The following CYTH4 variants were observed in gnomAD, a reference collection of about 807,000 sequenced individuals.
The protein encoded by CYTH4 is cytohesin 4.
Under a neutral mutation model 57.5 loss-of-function variants are expected in CYTH4, and 22 were observed. The ratio of observed to expected loss-of-function variants is 0.38; its 90% CI spans 0.27 to 0.55. The LOEUF is 0.55. CYTH4 is among the 20% of genes least tolerant of loss of function. The pLI, the probability that CYTH4 is intolerant of heterozygous loss-of-function variation, is 0.74. For synonymous variants in CYTH4, 186 were observed against 206.5 expected, an observed-to-expected ratio of 0.90 and a Z score of 0.85; for missense variants, 420 against 535.6, an observed-to-expected ratio of 0.78 and a Z score of 2.13.
chr22:37,308,240 C>T (rs1359373535), intron 8 of CYTH4, among the ~76,000 whole-genome samples: 2 of 152,216 alleles, frequency 1.3e-5, no homozygotes, highest in African/African-American at 4.8e-5. Context: ...CAGGAGAGGA[C>T]CCTCCTCCCA....
At chr22:37,283,228 T>C (rs1928429362) in intron 1 of CYTH4, among the ~76,000 whole-genome samples, 1 of 151,770 alleles carries the variant, frequency 6.6e-6, no homozygotes, top group African/African-American at 2.4e-5. Context: ...GAGGCTCTGG[T>C]TGAAACCCTC....
rs1372725272 is a variant in CYTH4, at chr22:37,295,616, G to A, written c.168-383G>A. ...ATAGATGAGGAACCTGAGGCCCAGA[G>A]AGAGGAAGTGACTCGCCCAAAGCAG... On this transcript the variant is annotated intron_variant, in intron 3 of 12. Coordinates refer to ENST00000248901, the MANE Select transcript of CYTH4 (RefSeq NM_013385.5). The surrounding 1 kb of genome is among the most constrained non-coding windows in gnomAD (Gnocchi z 4.1). Among the ~76,000 whole-genome samples the A allele has an allele frequency of 1.3e-5, 2 of 152,218 alleles. No individual in the cohort carries two copies. Among genetic ancestry groups the A allele is most frequent in the African/African-American group, 2.4e-5 (1 of 41,454 alleles).
chr22:37,284,950 G>T (rs56278831), intron 1 of CYTH4, among the ~76,000 whole-genome samples: 2 of 152,188 alleles, frequency 1.3e-5, no homozygotes, highest in East Asian at 1.9e-4. Flanking sequence ...GGGGCGGTGG[G>T]GGGGCGGCGG....
In CYTH4 at chr22:37,292,719, T is replaced by G. The variant is rs1364126726; in HGVS notation, c.102+16T>G. 6.2e-7 allele frequency: 1 copy of G among 1,612,248 alleles called. No homozygotes were observed. Among genetic ancestry groups the G allele is most frequent in the Non-Finnish European group, 8.5e-7 (1 of 1,179,454 alleles). On this transcript the variant is annotated intron_variant, in intron 2 of 12. Transcript: ENST00000248901. The stretch of plus-strand genomic sequence containing the variant: ...GGACATCCAGGTGAGTGCACACTCG[T>G]GTCCACACACGTGTCCATGCCCACA...
chr22:37,302,268 G>C (rs1929211182), intron 7 of CYTH4, among the ~76,000 whole-genome samples: 1 of 152,204 alleles, frequency 6.6e-6, no homozygotes, highest in Non-Finnish European at 1.5e-5. Flanking sequence ...GTGACTCCCA[G>C]GCCCACAGCA....
At chr22:37,292,932 G>A (rs764588747) in intron 2 of CYTH4, among the ~76,000 whole-genome samples, 16 of 152,046 alleles carry the variant, frequency 1.1e-4, no homozygotes, top group Admixed American at 2.0e-4. Context: ...CCAATTAGGC[G>A]CCCACCGTGT....
intron 5 of CYTH4, 75 bp downstream of exon 5, chr22:37,297,757 T>A: frequency 7.9e-7 from 1 of 1,269,720 alleles, no homozygotes. Flanking sequence ...GATGTGCAGG[T>A]GAGAGGATGA....
chr22:37,303,382 C>G lies in CYTH4; in HGVS notation c.676C>G (p.Leu226Val). 1 of 1,613,874 alleles carries G rather than the reference C, an allele frequency of 6.2e-7. No homozygotes were observed. Among genetic ancestry groups the G allele is most frequent in the Non-Finnish European group, 8.5e-7 (1 of 1,179,942 alleles). Residue 226 changes from leucine to valine, a missense_variant, in exon 8 of 13, where the codon CTG (leucine) becomes GTG (valine). Leu to Val is a conservative substitution (Grantham distance 32). Coordinates refer to ENST00000248901, the MANE Select transcript of CYTH4 (RefSeq NM_013385.5). ...MNRGINNGSD[L>V]PEDQLRNLFD... ...CCGCGGCATCAACAATGGTAGCGAC[C>G]TGCCCGAGGACCAGCTGCGGGTGAG...
At chr22:37,296,222 G>A in intron 4 of CYTH4, 157 bp downstream of exon 4, 1 of 793,030 alleles carries the variant, frequency 1.3e-6, no homozygotes, top group Non-Finnish European at 2.0e-6. Context: ...CCCATGGCCA[G>A]CTGTGGCTGG....
rs375591759 is a variant in CYTH4, at chr22:37,309,354, C to T, written c.808+31C>T. 8.8e-6 allele frequency: 14 copies of T among 1,595,236 alleles called. No individual in the cohort carries two copies. The African/African-American group carries it at 1.7e-4, about 20-fold the overall frequency. On this transcript the variant is annotated intron_variant, in intron 9 of 12. Transcript: ENST00000248901. ...AGACCGACAGACACACGTCGTCGCA[C>T]ACACACTCATGCACGCGCGGGCACA...
chr22:37,293,482 G>A (rs1928825137), intron 2 of CYTH4, among the ~76,000 whole-genome samples: 1 of 152,234 alleles, frequency 6.6e-6, no homozygotes, highest in Admixed American at 6.5e-5. Context: ...AGCCCGCTGG[G>A]TGCAGCATTA....
At chr22:37,291,288 T>C (rs913593940) in intron 1 of CYTH4, among the ~76,000 whole-genome samples, 5 of 152,206 alleles carry the variant, frequency 3.3e-5, no homozygotes, top group African/African-American at 7.2e-5. Context: ...CTGGGCTCCA[T>C]CTAGCCTGGT....
At position 37,298,626 on chromosome 22, in the gene CYTH4, G is replaced by A. The variant is rs1236350886; in HGVS notation, c.354-600G>A. Among the ~76,000 whole-genome samples, 1 of 152,170 alleles carries A rather than the reference G, an allele frequency of 6.6e-6. No individual in the cohort carries two copies. The highest frequency in any genetic ancestry group is 1.5e-5 in the Non-Finnish European group (1 of 68,030). On this transcript the variant is annotated intron_variant, in intron 5 of 12. Transcript: ENST00000248901. This position sits in a 1 kb window ranked among gnomAD's most constrained non-coding sequence, Gnocchi z 4.1. ...TAGACTGGACGGGAGGAGAGAGGAA[G>A]GATATTGTGGGCGAGGAGGTGGGGA...
At position 37,309,221 on chromosome 22, in the gene CYTH4, G is replaced by A. The variant is rs905683648; in HGVS notation, c.706G>A (p.Asp236Asn). The change falls in exon 9 of 13, where the codon GAC becomes AAC. Residue 236 changes from aspartate to asparagine, a missense_variant. Asp to Asn is a conservative substitution (Grantham distance 23). Coordinates refer to ENST00000248901, the MANE Select transcript of CYTH4 (RefSeq NM_013385.5). Reference protein sequence around the residue: ...LPEDQLRNLFDSIKSEPFSIP... With the variant: ...LPEDQLRNLFNSIKSEPFSIP... ...CCTTGTCTTGGGGCAGAACCTCTTC[G>A]ACAGCATCAAGAGTGAGCCATTCTC... 6.8e-6 allele frequency: 11 copies of A among 1,613,892 alleles called. No individual in the cohort carries two copies. Among genetic ancestry groups the A allele is most frequent in the Non-Finnish European group, 8.5e-6 (10 of 1,179,936 alleles).
chr22:37,284,072 A>G (rs1928464450), intron 1 of CYTH4, among the ~76,000 whole-genome samples: 1 of 152,338 alleles, frequency 6.6e-6, no homozygotes, highest in African/African-American at 2.4e-5. Context: ...GCCAGTCAGC[A>G]GCAGAGCAGG....
At chr22:37,304,243 G>C (rs2145866351) in intron 8 of CYTH4, 1 of 456,724 alleles carries the variant, frequency 2.2e-6, no homozygotes, top group East Asian at 6.9e-5. Flanking sequence ...CCAGAACGGA[G>C]GCGTGTCCTG....
intron 8 of CYTH4, chr22:37,304,432 C>A: frequency 5.6e-6 from 2 of 359,472 alleles, no homozygotes; most frequent in South Asian, 2.0e-5. Flanking sequence ...AGATTCAGAG[C>A]CTGGCTTAGG....
chr22:37,300,103 C>T, intron 6 of CYTH4: 1 of 717,552 alleles, frequency 1.4e-6, no homozygotes, highest in Non-Finnish European at 2.6e-6. Context: ...GTGTTTAAAA[C>T]TGGTCCACAG....
Position 37,292,659 on chromosome 22 carries a change from C to G in CYTH4, c.58C>G (p.Gln20Glu), listed in dbSNP as rs1928791116. 1.2e-6 allele frequency: 2 copies of G among 1,613,930 alleles called. No homozygotes were observed. The highest frequency in any genetic ancestry group is 2.2e-5 in the South Asian group (2 of 91,090). Residue 20 changes from glutamine to glutamate, a missense_variant, in exon 2 of 13, where the codon CAG (glutamine) becomes GAG (glutamate). Coordinates refer to ENST00000248901, the MANE Select transcript of CYTH4 (RefSeq NM_013385.5). ...ELSSGETEEL[Q>E]RIKWHRKQLL... ...GAGCAGCGGGGAGACGGAAGAGTTA[C>G]AGAGGATCAAGTGGCACCGAAAGCA...
Sources: allele counts gnomAD v4.1 joint callset (sites outside exome capture counted in the v4.1 genomes callset), GRCh38; gene constraint gnomAD v4.1.1; non-coding constraint Gnocchi (gnomAD v3.1); transcripts MANE v1.5; gene names NCBI Gene and HGNC (gene_info 2026-07-23, HGNC 2026-07-21).